Variants in GLMN observed in about 807,000 individuals in gnomAD.
The protein encoded by GLMN is glomulin, FKBP associated protein.
Under a neutral mutation model 87.8 loss-of-function variants are expected in GLMN, and 75 were observed. That is an observed-to-expected ratio of 0.85 (90% CI 0.71 to 1.04). The LOEUF is 1.04. Ranked by LOEUF, GLMN falls within the 50% of genes least tolerant of loss-of-function variation. The probability of loss-of-function intolerance (pLI) is 0.00; values close to 1 mark genes in which losing one functional copy is unlikely to be tolerated. For missense variants in GLMN, 588 were observed against 658.8 expected (o/e 0.89, Z 1.18); for synonymous variants, 206 against 221.6 (o/e 0.93, Z 0.63).
chr1:92,286,782 C>T (rs1039548408), intron 6 of GLMN, among the ~76,000 whole-genome samples, 190 bp from the exon 7 acceptor site: 3 of 152,220 alleles, frequency 2.0e-5, no homozygotes, highest in Non-Finnish European at 2.9e-5. Flanking sequence ...AAGGGGGCTC[C>T]ACTCTCACGG....
chr1:92,347,757 G>C, the GLMN span, among the ~76,000 whole-genome samples: 9 of 152,160 alleles, frequency 5.9e-5, no homozygotes, highest in East Asian at 9.6e-4. Flanking sequence ...AGTCCTTTTA[G>C]GCACTGTTTG....
At chr1:92,248,663 C>T (rs974428702) in intron 16 of GLMN, among the ~76,000 whole-genome samples, 4 of 152,000 alleles carry the variant, frequency 2.6e-5, no homozygotes, top group Admixed American at 6.6e-5. Flanking sequence ...AAAAGGGAAA[C>T]GTAGGGACCC....
At chr1:92,326,066 C>T in the GLMN span, among the ~76,000 whole-genome samples, 2,097 of 151,630 alleles carry the variant, frequency 0.014, 48 homozygotes, top group African/African-American at 0.047. Context: ...GGTGGGTTAT[C>T]GTATATGCAT....
the GLMN span, among the ~76,000 whole-genome samples, chr1:92,306,379 TACC>T: frequency 3.9e-5 from 6 of 152,234 alleles, no homozygotes; most frequent in African/African-American, 1.2e-4. Context: ...ATGTATATTT[TACC>T]ACAATTGTGA....
chr1:92,250,785 T>A (rs1257580158), intron 16 of GLMN, among the ~76,000 whole-genome samples: 1 of 152,208 alleles, frequency 6.6e-6, no homozygotes, highest in Non-Finnish European at 1.5e-5. Flanking sequence ...TCTAATTCAC[T>A]ATTGAGCCTA....
At chr1:92,279,142 T>G (rs965758976) in intron 7 of GLMN, among the ~76,000 whole-genome samples, 1 of 152,158 alleles carries the variant, frequency 6.6e-6, no homozygotes, top group East Asian at 1.9e-4. Context: ...TGTCCATCAT[T>G]AAAGTCACTT....
At chr1:92,314,874 G>C in the GLMN span, among the ~76,000 whole-genome samples, 1 of 151,482 alleles carries the variant, frequency 6.6e-6, no homozygotes, top group Non-Finnish European at 1.5e-5. Flanking sequence ...GCAAAACCCC[G>C]TCTCTACTAA....
At chr1:92,360,721 G>GT in the GLMN span, among the ~76,000 whole-genome samples, 1 of 151,938 alleles carries the variant, frequency 6.6e-6, no homozygotes, top group Non-Finnish European at 1.5e-5. Context: ...GTGTTATTTG[G>GT]TAACATTTTG....
intron 7 of GLMN, among the ~76,000 whole-genome samples, chr1:92,285,553 T>C (rs1008351270): frequency 1.3e-5 from 2 of 152,214 alleles, no homozygotes; most frequent in African/African-American, 4.8e-5. Flanking sequence ...ACATGGCACA[T>C]GTATACCTAT....
At chr1:92,332,135 A>C in the GLMN span, among the ~76,000 whole-genome samples, 2 of 150,476 alleles carry the variant, frequency 1.3e-5, no homozygotes, top group Non-Finnish European at 3.0e-5. Context: ...TGTATCTTGT[A>C]GGTCTCTTAA....
the GLMN span, among the ~76,000 whole-genome samples, chr1:92,353,176 A>G: frequency 6.6e-6 from 1 of 152,134 alleles, no homozygotes; most frequent in African/African-American, 2.4e-5. Context: ...TTTTTGTGTG[A>G]GCATATGTTT....
the GLMN span, among the ~76,000 whole-genome samples, chr1:92,361,250 A>G: frequency 6.6e-6 from 1 of 152,092 alleles, no homozygotes; most frequent in Non-Finnish European, 1.5e-5. Context: ...AAAGATACCT[A>G]TAGTAAGTGA....
At chr1:92,324,085 C>T in the GLMN span, 1 of 1,613,960 alleles carries the variant, frequency 6.2e-7, no homozygotes, top group South Asian at 1.1e-5. Context: ...TTTGTATGGC[C>T]AGAATTATGC....
chr1:92,328,601 C>T, the GLMN span, among the ~76,000 whole-genome samples: 1 of 152,132 alleles, frequency 6.6e-6, no homozygotes, highest in African/African-American at 2.4e-5. Context: ...TCTCTGGTGC[C>T]TCCTTGATTA....
In GLMN at chr1:92,298,021, T is replaced by C; in HGVS notation, c.-22A>G. On this transcript the variant is annotated 5_prime_UTR_variant, in exon 2 of 19. Coordinates refer to ENST00000370360, the MANE Select transcript of GLMN (RefSeq NM_053274.3). ...CCATTCTTATTTCTCCTAGTTTCGA[T>C]GCTAAAATCTACAAATACAAAACAC... The C allele has an allele frequency of 7.1e-7, 1 of 1,415,216 alleles. No homozygotes were observed. The allele number at this position is 1,415,216 out of a possible 1,614,324, so 87.7% of individuals were successfully genotyped here.
chr1:92,250,212 T>C (rs769236478), intron 16 of GLMN, among the ~76,000 whole-genome samples: 3 of 152,116 alleles, frequency 2.0e-5, no homozygotes, highest in Non-Finnish European at 2.9e-5. Flanking sequence ...AAAAAATAAA[T>C]ACTAGATATG....
chr1:92,345,810 G>GT, the GLMN span: 1 of 1,277,906 alleles, frequency 7.8e-7, no homozygotes, highest in Non-Finnish European at 1.1e-6. Context: ...TTATTTAAAG[G>GT]TAACACTCCT....
chr1:92,341,197 C>T, the GLMN span, among the ~76,000 whole-genome samples: 2 of 151,874 alleles, frequency 1.3e-5, no homozygotes, highest in Admixed American at 6.6e-5. Flanking sequence ...TTTGTAGAGA[C>T]GAGGTTTCAC....
In GLMN at chr1:92,289,594, C is replaced by T. The variant is rs370570661; in HGVS notation, c.395-443G>A. ...ACAAATTTAATTTCTGATTCTAGGT[C>T]CCTCTATCAGATTGTGAGATAAACG... On this transcript the variant is annotated intron_variant, in intron 5 of 18. Transcript: ENST00000370360. Among the ~76,000 whole-genome samples, 86 of 152,234 alleles carry T rather than the reference C, an allele frequency of 5.6e-4. 1 individual carries two copies. Among genetic ancestry groups the T allele is most frequent in the African/African-American group, 1.9e-3 (81 of 41,552 alleles).
Sources: gnomAD v4.1 joint callset for allele counts (sites outside exome capture counted in the v4.1 genomes callset) on GRCh38, gnomAD v4.1.1 for gene constraint, MANE v1.5 for transcripts, NCBI Gene and HGNC (gene_info 2026-07-23, HGNC 2026-07-21) for gene names.